ABI3BP: variants seen among roughly 807,000 people sequenced by gnomAD.
ABI3BP encodes ABI family member 3 binding protein.
In ABI3BP, 216 loss-of-function variants were observed where a neutral mutation model predicts 268.6. The ratio of observed to expected loss-of-function variants is 0.80; its 90% CI spans 0.72 to 0.90. The LOEUF is 0.90. ABI3BP is among the 40% of genes least tolerant of loss of function. The pLI, the probability that ABI3BP is intolerant of heterozygous loss-of-function variation, is 0.00. For missense variants in ABI3BP, 2,090 were observed against 2,182.4 expected, an observed-to-expected ratio of 0.96 and a Z score of 0.84; for synonymous variants, 730 against 730.0, an observed-to-expected ratio of 1.00 and a Z score of 0.00.
chr3:100,808,832 C>T (rs955242402), intron 49 of ABI3BP, among the ~76,000 whole-genome samples: 1 of 151,848 alleles, frequency 6.6e-6, no homozygotes, highest in African/African-American at 2.4e-5. Context: ...GTGTAAAAAC[C>T]AATTTTTTCT....
chr3:100,834,516 T>C (rs1441578979), intron 29 of ABI3BP, among the ~76,000 whole-genome samples, 168 bp downstream of exon 29: 1 of 152,094 alleles, frequency 6.6e-6, no homozygotes, highest in Non-Finnish European at 1.5e-5. Flanking sequence ...GCAATCAGAA[T>C]GAGGAAGTCA....
chr3:100,901,274 G>A (rs2050161252), intron 3 of ABI3BP, among the ~76,000 whole-genome samples: 1 of 152,156 alleles, frequency 6.6e-6, no homozygotes, highest in Non-Finnish European at 1.5e-5. Context: ...CAGAAAGAGG[G>A]GAGGGAATTG....
intron 13 of ABI3BP, 33 bp downstream of exon 13, chr3:100,862,795 ACCACCCACAG>A: frequency 7.3e-7 from 1 of 1,367,224 alleles, no homozygotes; most frequent in Non-Finnish European, 1.0e-6. Context: ...TTAAGCAATC[ACCACCCACAG>A]CCTTAATATT....
intron 4 of ABI3BP, among the ~76,000 whole-genome samples, chr3:100,895,611 T>C (rs761230600): frequency 6.6e-6 from 1 of 152,166 alleles, no homozygotes; most frequent in South Asian, 2.1e-4. Flanking sequence ...ATGATACCAA[T>C]TGGTGTTCCT....
At chr3:100,934,799 T>C (rs2065308459) in intron 1 of ABI3BP, among the ~76,000 whole-genome samples, 1 of 152,220 alleles carries the variant, frequency 6.6e-6, no homozygotes, top group Non-Finnish European at 1.5e-5. Flanking sequence ...GAAGTGTCTG[T>C]TCATATCCTT....
At chr3:100,874,809 G>T in intron 9 of ABI3BP, 32 bp downstream of exon 9, 2 of 1,354,078 alleles carry the variant, frequency 1.5e-6, no homozygotes, top group African/African-American at 1.4e-5. Context: ...CTCAGTTACT[G>T]CAAAGTTCAA....
At chr3:100,862,778 T>A (rs934110627) in intron 13 of ABI3BP, 60 bp downstream of exon 13, 10 of 1,200,938 alleles carry the variant, frequency 8.3e-6, no homozygotes, top group African/African-American at 3.0e-5. Flanking sequence ...AAATGTGTCC[T>A]GCAGAATTAA....
At chr3:100,789,728 G>A (rs1265365215) in intron 55 of ABI3BP, among the ~76,000 whole-genome samples, 2 of 152,016 alleles carry the variant, frequency 1.3e-5, no homozygotes, top group Non-Finnish European at 2.9e-5. Context: ...CACATAGAAT[G>A]AGGTAGTTCA....
At chr3:100,812,647 G>C in intron 45 of ABI3BP, 124 bp from the exon 46 acceptor site, 1 of 514,150 alleles carries the variant, frequency 1.9e-6, no homozygotes. Context: ...TTAACACTAA[G>C]GGAAGCTCTC....
chr3:100,800,204 G>A (rs950599791), intron 51 of ABI3BP, among the ~76,000 whole-genome samples: 5 of 140,048 alleles, frequency 3.6e-5, no homozygotes, highest in African/African-American at 1.5e-4. Context: ...GTGATTCCTG[G>A]CTATTAATCT....
chr3:100,872,505 A>G (rs539668132), intron 9 of ABI3BP, among the ~76,000 whole-genome samples: 1 of 152,094 alleles, frequency 6.6e-6, no homozygotes, highest in Admixed American at 6.5e-5. Context: ...CTGAGAAACA[A>G]CTCTGCTCAT....
intron 1 of ABI3BP, among the ~76,000 whole-genome samples, chr3:100,937,470 C>T (rs1325534948): frequency 6.6e-6 from 1 of 151,924 alleles, no homozygotes; most frequent in African/African-American, 2.4e-5. Context: ...TGAGATATAG[C>T]TCAGCAATAA....
chr3:100,985,528 T>C (rs1375467626), intron 1 of ABI3BP, among the ~76,000 whole-genome samples: 1 of 151,966 alleles, frequency 6.6e-6, no homozygotes, highest in Non-Finnish European at 1.5e-5. Flanking sequence ...TTTTCTTATG[T>C]TTTTGTCGTT....
chr3:100,814,385 C>T (rs959640343), intron 44 of ABI3BP, among the ~76,000 whole-genome samples: 1 of 152,032 alleles, frequency 6.6e-6, no homozygotes, highest in African/African-American at 2.4e-5. Flanking sequence ...GTTTCACCAT[C>T]CCCTTAGCCA....
intron 44 of ABI3BP, among the ~76,000 whole-genome samples, chr3:100,815,678 T>C (rs962115578): frequency 6.6e-6 from 1 of 152,166 alleles, no homozygotes; most frequent in Non-Finnish European, 1.5e-5. Context: ...CTGAATCATA[T>C]GGTGCAAATT....
At chr3:100,807,197 TTCC>T (rs767718333) in intron 50 of ABI3BP, among the ~76,000 whole-genome samples, 65 of 151,958 alleles carry the variant, frequency 4.3e-4, no homozygotes, top group Non-Finnish European at 3.7e-4. Flanking sequence ...AGATTTTAGT[TTCC>T]TATTATAATA....
rs116817337 is a variant in ABI3BP, at chr3:100,839,085, T to C, written c.1945+484A>G. Among the ~76,000 whole-genome samples, 798 of 152,326 alleles carry C rather than the reference T, an allele frequency of 5.2e-3. 6 individuals carry two copies. Among genetic ancestry groups the C allele is most frequent in the African/African-American group, 0.018 (730 of 41,562 alleles). On this transcript the variant is annotated intron_variant, in intron 24 of 67. Transcript: ENST00000471714. ...AGATCAAGAACGATCTTGGTTCCTC[T>C]CGCTATCCATACCTATTCAAAAACA...
At chr3:100,847,813 G>T in intron 18 of ABI3BP, 140 bp from the exon 19 acceptor site, 1 of 712,186 alleles carries the variant, frequency 1.4e-6, no homozygotes, top group Non-Finnish European at 2.4e-6. Context: ...TTTTGAGGAA[G>T]AATTGTTAAA....
intron 58 of ABI3BP, 145 bp downstream of exon 58, chr3:100,779,987 T>G (rs1475560412): frequency 1.7e-6 from 1 of 602,172 alleles, no homozygotes; most frequent in African/African-American, 1.9e-5. Context: ...AATGTTTTCC[T>G]AGCAATACCC....
Sources: gnomAD v4.1 joint callset for allele counts (sites outside exome capture counted in the v4.1 genomes callset) on GRCh38, gnomAD v4.1.1 for gene constraint, MANE v1.5 for transcripts, NCBI Gene and HGNC (gene_info 2026-07-23, HGNC 2026-07-21) for gene names.